The following NRP2 variants were observed in gnomAD, a reference collection of about 807,000 sequenced individuals.
NRP2 encodes neuropilin-2.
Under a neutral mutation model 110.4 loss-of-function variants are expected in NRP2, and 52 were observed. That is an observed-to-expected ratio of 0.47 (90% CI 0.38 to 0.59). The LOEUF is 0.59. Among genes scored for constraint, NRP2 ranks in the 20% least tolerant of loss-of-function variants. NRP2 has a pLI of 0.00. For missense variants in NRP2, 1,049 were observed against 1,203.0 expected (o/e 0.87, Z 1.89); for synonymous variants, 508 against 468.9 (o/e 1.08, Z -1.08).
At chr2:205,786,384 C>T (rs1339929160) in intron 15 of NRP2, among the ~76,000 whole-genome samples, 1 of 152,068 alleles carries the variant, frequency 6.6e-6, no homozygotes, top group Non-Finnish European at 1.5e-5. Flanking sequence ...TTTAACTGGC[C>T]CATGGGGTTC....
intron 7 of NRP2, among the ~76,000 whole-genome samples, chr2:205,729,562 G>A (rs145361774): frequency 1.8e-3 from 276 of 152,294 alleles, no homozygotes; most frequent in Non-Finnish European, 2.9e-3. Context: ...GGTGGTCCCC[G>A]GGGAGAGGAG....
chr2:205,749,681 CA>C, intron 10 of NRP2, 43 bp from the exon 11 acceptor site: 1 of 1,504,784 alleles, frequency 6.6e-7, no homozygotes, highest in South Asian at 1.1e-5. Flanking sequence ...GGTTGCAACA[CA>C]GGCTGCTACA....
intron 3 of NRP2, among the ~76,000 whole-genome samples, chr2:205,720,262 C>CTTTTTTTTTTT (rs202203741): frequency 4.6e-4 from 59 of 129,024 alleles, no homozygotes; most frequent in Middle Eastern, 4.0e-3. Flanking sequence ...TTTTTTCTTT[C>CTTTTTTTTTTT]TTTTTTTTTT....
chr2:205,717,219 T>A (rs1235594608), intron 3 of NRP2, among the ~76,000 whole-genome samples: 1 of 151,886 alleles, frequency 6.6e-6, no homozygotes, highest in Non-Finnish European at 1.5e-5. Context: ...CCTCCAGTCC[T>A]CCCCACCCAC....
chr2:205,767,435 G>A (rs766126985), intron 15 of NRP2: 5 of 517,802 alleles, frequency 9.7e-6, no homozygotes, highest in Admixed American at 5.8e-5. Context: ...CCAGTCAAGG[G>A]AATAAGGAGG....
chr2:205,776,314 T>C (rs1290881138), intron 15 of NRP2: 4 of 1,613,100 alleles, frequency 2.5e-6, no homozygotes, highest in Non-Finnish European at 3.4e-6. Context: ...CCCAGCCTAC[T>C]GGTATTACGT....
At chr2:205,793,606 T>A (rs1404301696) in intron 16 of NRP2, among the ~76,000 whole-genome samples, 1 of 152,172 alleles carries the variant, frequency 6.6e-6, no homozygotes, top group Non-Finnish European at 1.5e-5. Flanking sequence ...TAAGAAAGGA[T>A]CTATTCTAGC....
intron 15 of NRP2, among the ~76,000 whole-genome samples, chr2:205,780,865 G>A (rs2058166130): frequency 6.6e-6 from 1 of 152,204 alleles, no homozygotes; most frequent in East Asian, 1.9e-4. Context: ...CAGTATAGAT[G>A]TCACTATCTG....
At position 205,781,776 on chromosome 2, in the gene NRP2, G is replaced by A. The variant is rs189665259; in HGVS notation, c.2426-10459G>A. On this transcript the variant is annotated intron_variant, in intron 15 of 16. Coordinates refer to ENST00000357785, the MANE Select transcript of NRP2 (RefSeq NM_003872.3). ...ACAAATCCAACCAGAGAAAAAGGGA[G>A]GGGGCGAGGGGAACACCAGCTGATG... is the stretch of plus-strand genomic sequence containing the variant. Among the ~76,000 whole-genome samples, 18 of 152,324 alleles carry A rather than the reference G, an allele frequency of 1.2e-4. 1 individual carries two copies. The highest frequency in any genetic ancestry group is 4.1e-4 in the African/African-American group (17 of 41,562).
chr2:205,704,106 G>A (rs2056621311), intron 2 of NRP2, among the ~76,000 whole-genome samples: 1 of 152,150 alleles, frequency 6.6e-6, no homozygotes, highest in African/African-American at 2.4e-5. Flanking sequence ...CGCCGCCAGT[G>A]GAATGCCTGA....
chr2:205,722,021 G>A (rs559249114), intron 3 of NRP2, among the ~76,000 whole-genome samples: 1 of 152,174 alleles, frequency 6.6e-6, no homozygotes, highest in East Asian at 1.9e-4. Flanking sequence ...ACAAATAAGG[G>A]GTAACATTGT....
At chr2:205,751,668 C>A (rs1447599211) in intron 11 of NRP2, among the ~76,000 whole-genome samples, 1 of 152,114 alleles carries the variant, frequency 6.6e-6, no homozygotes, top group East Asian at 1.9e-4. Context: ...CAGTGCCCTG[C>A]CCCCCATGAG....
At chr2:205,717,002 C>T (rs1451525797) in intron 3 of NRP2, among the ~76,000 whole-genome samples, 1 of 152,202 alleles carries the variant, frequency 6.6e-6, no homozygotes, top group East Asian at 1.9e-4. Flanking sequence ...ACTGCACTTG[C>T]TTTAAGTTGA....
At chr2:205,715,578 G>A (rs757788980) in intron 2 of NRP2, among the ~76,000 whole-genome samples, 3 of 152,204 alleles carry the variant, frequency 2.0e-5, no homozygotes, top group Non-Finnish European at 4.4e-5. Flanking sequence ...TGGCCCACGG[G>A]TGGGGAGTCT....
chr2:205,704,424 T>C (rs1196777093), intron 2 of NRP2, among the ~76,000 whole-genome samples: 1 of 152,204 alleles, frequency 6.6e-6, no homozygotes, highest in Non-Finnish European at 1.5e-5. Flanking sequence ...ACCACAGAAA[T>C]ATTCTGATTC....
intron 14 of NRP2, among the ~76,000 whole-genome samples, chr2:205,766,330 T>C (rs1425298603): frequency 1.3e-5 from 2 of 152,164 alleles, no homozygotes. Context: ...TTGCTTTCAG[T>C]CAGCAGAGTG....
Position 205,765,704 on chromosome 2 carries a change from T to A in NRP2, c.2404+134T>A, listed in dbSNP as rs761059017. The A allele has an allele frequency of 2.7e-5, 22 of 815,080 alleles. No individual in the cohort carries two copies. In the African/African-American group the frequency reaches 3.5e-4, roughly 13 times the overall value. The allele number at this position is 815,080 out of a possible 1,614,324, so 50.5% of individuals were successfully genotyped here. A position where few individuals can be genotyped will look rare whatever the true frequency, so the allele number is the denominator to read the frequency against. On this transcript the variant is annotated intron_variant, in intron 14 of 16. Transcript: ENST00000357785. ...TGGGGCAGCCACAGTCTCTGCAAGGTAAGGTGTGGGTGTAGTTGTGTCTTA... is the reference window on the plus strand; with the variant it reads ...TGGGGCAGCCACAGTCTCTGCAAGGAAAGGTGTGGGTGTAGTTGTGTCTTA...
At chr2:205,770,761 C>T (rs1483684536) in intron 15 of NRP2, among the ~76,000 whole-genome samples, 1 of 152,210 alleles carries the variant, frequency 6.6e-6, no homozygotes, top group Admixed American at 6.5e-5. Context: ...AATCCTCCTC[C>T]TTGCCCCCAC....
chr2:205,784,446 G>A (rs1249265279), intron 15 of NRP2, among the ~76,000 whole-genome samples: 1 of 152,208 alleles, frequency 6.6e-6, no homozygotes, highest in East Asian at 1.9e-4. Flanking sequence ...CTCTAGGGCA[G>A]CCCCACAGCT....
Sources: gnomAD v4.1 joint callset for allele counts (sites outside exome capture counted in the v4.1 genomes callset) on GRCh38, gnomAD v4.1.1 for gene constraint, MANE v1.5 for transcripts, NCBI Gene and HGNC (gene_info 2026-07-23, HGNC 2026-07-21) for gene names.